Variants in DPP6 observed in about 807,000 individuals in gnomAD.
DPP6 encodes dipeptidyl peptidase like 6.
A neutral mutation model predicts 122.6 loss-of-function variants in DPP6; 69 were observed. The observed-to-expected ratio is 0.56, with a 90% CI of 0.46 to 0.69. DPP6 has a LOEUF of 0.69. Ranked by LOEUF, DPP6 falls within the 30% of genes least tolerant of loss-of-function variation. The probability of loss-of-function intolerance (pLI) is 0.00; values close to 1 mark genes in which losing one functional copy is unlikely to be tolerated. For synonymous variants in DPP6, 418 were observed against 433.1 expected (o/e 0.97, Z 0.43); for missense variants, 928 against 1,116.9 (o/e 0.83, Z 2.41).
chr7:154,798,698 C>T (rs1159546603), intron 12 of DPP6, among the ~76,000 whole-genome samples: 2 of 152,210 alleles, frequency 1.3e-5, no homozygotes, highest in Non-Finnish European at 2.9e-5. Context: ...TCTCTGAAGA[C>T]CCTACAGGTT....
Position 153,915,309 on chromosome 7 carries a change from T to C in DPP6, c.51+27575T>C, listed in dbSNP as rs188199581. 1.7e-3 allele frequency among the ~76,000 whole-genome samples: 260 copies of C among 152,250 alleles called. 3 individuals carry two copies. Among genetic ancestry groups the C allele is most frequent in the African/African-American group, 5.9e-3 (246 of 41,570 alleles). ...TCCTAAAGGATATCTAAGAACCTAG[T>C]GATGACACCCCCAGTCCCTAGCTCC... On this transcript the variant is annotated intron_variant, in intron 1 of 25. Coordinates refer to the DPP6 transcript ENST00000404039.
chr7:154,023,729 G>A (rs1326997032), intron 1 of DPP6, among the ~76,000 whole-genome samples: 2 of 152,046 alleles, frequency 1.3e-5, no homozygotes, highest in Non-Finnish European at 2.9e-5. Flanking sequence ...TGATTCGCTC[G>A]CCTTGGCCTC....
chr7:153,833,541 C>T, the DPP6 span, among the ~76,000 whole-genome samples: 1 of 151,964 alleles, frequency 6.6e-6, no homozygotes, highest in African/African-American at 2.4e-5. Context: ...AGCGTGGTGG[C>T]GTGCCTGTAA....
intron 1 of DPP6, among the ~76,000 whole-genome samples, chr7:154,175,570 G>T (rs1460043618): frequency 6.6e-6 from 1 of 152,114 alleles, no homozygotes. Context: ...CTCTATGCTG[G>T]ACCTGGGACC....
At chr7:154,242,589 T>A (rs764550599) in intron 1 of DPP6, among the ~76,000 whole-genome samples, 4 of 152,140 alleles carry the variant, frequency 2.6e-5, no homozygotes, top group Non-Finnish European at 4.4e-5. Context: ...CTGTAATTCT[T>A]GAGAGAAAGG....
chr7:154,281,174 A>G (rs4725534), intron 1 of DPP6, among the ~76,000 whole-genome samples: 83,750 of 151,622 alleles, frequency 0.55, 26,156 homozygotes, highest in Middle Eastern at 0.71. Context: ...CACCACGGCC[A>G]GCTAATTTTA....
intron 1 of DPP6, among the ~76,000 whole-genome samples, chr7:154,289,599 C>A (rs1459063660): frequency 6.6e-6 from 1 of 152,110 alleles, no homozygotes; most frequent in Non-Finnish European, 1.5e-5. Flanking sequence ...CCAATGAAAC[C>A]CAGTGTGGGA....
intron 8 of DPP6, among the ~76,000 whole-genome samples, chr7:154,753,108 C>T (rs1013582035): frequency 1.3e-5 from 2 of 152,136 alleles, no homozygotes; most frequent in Non-Finnish European, 2.9e-5. Context: ...CCTTCTCTTC[C>T]GAGACCTTCA....
At chr7:154,795,048 A>G (rs986078428) in intron 11 of DPP6, among the ~76,000 whole-genome samples, 2 of 152,002 alleles carry the variant, frequency 1.3e-5, no homozygotes, top group Non-Finnish European at 2.9e-5. Context: ...CTGACCTTTT[A>G]TCTAACCTGG....
At chr7:154,439,784 G>A (rs1819202540) in intron 1 of DPP6, among the ~76,000 whole-genome samples, 1 of 152,230 alleles carries the variant, frequency 6.6e-6, no homozygotes, top group South Asian at 2.1e-4. Flanking sequence ...AGCAAGGGTG[G>A]TGGGTAGGAT....
intron 11 of DPP6, among the ~76,000 whole-genome samples, chr7:154,795,365 G>T (rs1188875196): frequency 1.3e-5 from 2 of 152,184 alleles, no homozygotes; most frequent in Non-Finnish European, 2.9e-5. Context: ...AGACCACTGT[G>T]AGACCCACTT....
intron 1 of DPP6, among the ~76,000 whole-genome samples, chr7:154,398,363 C>T (rs1190849278): frequency 6.6e-6 from 1 of 152,126 alleles, no homozygotes; most frequent in African/African-American, 2.4e-5. Context: ...TAACTCTAAG[C>T]ATTAGCATGC....
At position 154,669,454 on chromosome 7, in the gene DPP6, A is replaced by T. The variant is rs1838412147; in HGVS notation, c.762+13A>T. On this transcript the variant is annotated intron_variant, in intron 7 of 25. Transcript: ENST00000377770. ...AGGCCAACAGCTGGTAAGCCAATCAAGTTCAGTAACTATACTTGGGTTTTG... is the reference window on the plus strand; with the variant it reads ...AGGCCAACAGCTGGTAAGCCAATCATGTTCAGTAACTATACTTGGGTTTTG... 5 of 1,551,152 alleles carry T rather than the reference A, an allele frequency of 3.2e-6. No individual in the cohort carries two copies. Among genetic ancestry groups the T allele is most frequent in the Admixed American group, 2.0e-5 (1 of 50,630 alleles).
chr7:154,782,914 G>T (rs1207378986), intron 10 of DPP6, among the ~76,000 whole-genome samples: 1 of 152,118 alleles, frequency 6.6e-6, no homozygotes, highest in Admixed American at 6.6e-5. Flanking sequence ...CCCCTGAATA[G>T]CTGGGATTAT....
At chr7:154,237,482 T>A (rs1461938184) in intron 1 of DPP6, among the ~76,000 whole-genome samples, 1 of 152,116 alleles carries the variant, frequency 6.6e-6, no homozygotes, top group East Asian at 1.9e-4. Context: ...CCCAATGAGC[T>A]TAGAAAACAA....
At chr7:154,865,507 G>A (rs768982013) in intron 17 of DPP6, 1 of 152,164 alleles carries the variant, frequency 6.6e-6, no homozygotes, top group Non-Finnish European at 1.5e-5. Flanking sequence ...TGCATCATTA[G>A]TCTCCTAAAC....
chr7:153,780,657 G>A, the DPP6 span, among the ~76,000 whole-genome samples: 1 of 152,172 alleles, frequency 6.6e-6, no homozygotes, highest in Non-Finnish European at 1.5e-5. Flanking sequence ...GGGAAAATAG[G>A]AGTAAATAAC....
intron 1 of DPP6, among the ~76,000 whole-genome samples, chr7:154,175,308 G>C (rs1479389948): frequency 6.6e-6 from 1 of 152,036 alleles, no homozygotes; most frequent in Non-Finnish European, 1.5e-5. Flanking sequence ...GGATTCTCTA[G>C]GTGGGACCAG....
the DPP6 span, among the ~76,000 whole-genome samples, chr7:153,827,629 G>C: frequency 6.6e-6 from 1 of 152,040 alleles, no homozygotes; most frequent in African/African-American, 2.4e-5. Flanking sequence ...CCAAGGAATG[G>C]GCAATCTAAG....
Sources: allele counts gnomAD v4.1 joint callset (sites outside exome capture counted in the v4.1 genomes callset), GRCh38; gene constraint gnomAD v4.1.1; transcripts MANE v1.5; gene names NCBI Gene and HGNC (gene_info 2026-07-23, HGNC 2026-07-21).